The following ZBTB25 variants were observed in gnomAD, a reference collection of about 807,000 sequenced individuals.
The protein encoded by ZBTB25 is zinc finger and BTB domain containing 25.
A neutral mutation model predicts 34.2 loss-of-function variants in ZBTB25; 20 were observed. The ratio of observed to expected loss-of-function variants is 0.58; its 90% CI spans 0.41 to 0.85. The LOEUF (loss-of-function observed/expected upper bound fraction) is 0.85. Ranked by LOEUF, ZBTB25 falls within the 40% of genes least tolerant of loss-of-function variation. The probability of loss-of-function intolerance (pLI) is 0.00; values close to 1 mark genes in which losing one functional copy is unlikely to be tolerated. For synonymous variants in ZBTB25, 175 were observed against 186.4 expected, an observed-to-expected ratio of 0.94 and a Z score of 0.50; for missense variants, 437 against 521.8, an observed-to-expected ratio of 0.84 and a Z score of 1.58.
At chr14:64,457,503 T>G (rs978798557) in intron 2 of ZBTB25, among the ~76,000 whole-genome samples, 3 of 151,674 alleles carry the variant, frequency 2.0e-5, no homozygotes, top group Non-Finnish European at 4.4e-5. Flanking sequence ...TCACCCAGGC[T>G]GGAGTGCAGT....
intron 2 of ZBTB25, among the ~76,000 whole-genome samples, chr14:64,489,313 T>G (rs1048591166): frequency 1.3e-5 from 2 of 152,052 alleles, no homozygotes; most frequent in African/African-American, 2.4e-5. Flanking sequence ...AAGTGTTATA[T>G]GAAACAAAAA....
At chr14:64,493,378 C>G (rs971071392) in intron 1 of ZBTB25, among the ~76,000 whole-genome samples, 1 of 152,160 alleles carries the variant, frequency 6.6e-6, no homozygotes, top group African/African-American at 2.4e-5. Flanking sequence ...TGGACAATGA[C>G]AGTATCTAAC....
chr14:64,502,160 G>T (rs1327182133), intron 1 of ZBTB25, among the ~76,000 whole-genome samples: 1 of 152,198 alleles, frequency 6.6e-6, no homozygotes, highest in Non-Finnish European at 1.5e-5. Context: ...TTGGCCCACT[G>T]CAAGTACTCA....
At position 64,503,708 on chromosome 14, in the gene ZBTB25, G is replaced by A; in HGVS notation, c.-55C>T. On this transcript the variant is annotated 5_prime_UTR_variant, in exon 1 of 3. Coordinates refer to ENST00000608382, the MANE Select transcript of ZBTB25 (RefSeq NM_006977.5). ...GCCGACTCCTCCGTGCAGGAGGGGC[G>A]GGCTCCCAAGCCGCGCACTGCAAGC... is the stretch of plus-strand genomic sequence containing the variant. 1 of 707,614 alleles carries A rather than the reference G, an allele frequency of 1.4e-6. No individual in the cohort carries two copies. Among genetic ancestry groups the A allele is most frequent in the Non-Finnish European group, 1.7e-6 (1 of 576,110 alleles). The allele number at this position is 707,614 out of a possible 1,614,324, so 43.8% of individuals were successfully genotyped here.
intron 2 of ZBTB25, chr14:64,469,213 TCAA>T (rs1451209977): frequency 6.2e-7 from 1 of 1,614,040 alleles, no homozygotes; most frequent in South Asian, 1.1e-5. Flanking sequence ...CAATTCCAGA[TCAA>T]CAAATTGTGG....
chr14:64,465,439 G>A (rs2078601438), intron 2 of ZBTB25: 1 of 151,796 alleles, frequency 6.6e-6, no homozygotes, highest in South Asian at 2.1e-4. Context: ...CGCTCGCATT[G>A]GCGCTGCCTG....
chr14:64,493,395 G>A (rs1364383675), intron 1 of ZBTB25, among the ~76,000 whole-genome samples: 1 of 152,110 alleles, frequency 6.6e-6, no homozygotes. Flanking sequence ...TAACTTATAG[G>A]TTATTTGAAT....
At chr14:64,474,716 A>C (rs1720848164), downstream of ZBTB25, among the ~76,000 whole-genome samples, 1 of 152,248 alleles carries the variant, frequency 6.6e-6, no homozygotes, top group Admixed American at 6.5e-5. Flanking sequence ...TTCAGCCAAA[A>C]GGGCAGTTCT....
intron 2 of ZBTB25, among the ~76,000 whole-genome samples, chr14:64,489,471 A>G (rs118147708): frequency 0.022 from 3,359 of 152,102 alleles, 41 homozygotes; most frequent in Middle Eastern, 0.054. Flanking sequence ...AATTTACATT[A>G]TAGGGCAAAT....
chr14:64,501,211 T>A (rs1455304763), intron 1 of ZBTB25, among the ~76,000 whole-genome samples: 1 of 152,206 alleles, frequency 6.6e-6, no homozygotes, highest in East Asian at 1.9e-4. Context: ...ATTCTGGTTA[T>A]TTTCAAAACC....
At chr14:64,450,808 A>G (rs1450476276) in intron 2 of ZBTB25, among the ~76,000 whole-genome samples, 2 of 151,822 alleles carry the variant, frequency 1.3e-5, no homozygotes, top group Non-Finnish European at 2.9e-5. Context: ...CCTGGACCCA[A>G]GTGGTCCTCC....
chr14:64,498,258 C>T (rs963238926), intron 1 of ZBTB25, among the ~76,000 whole-genome samples: 1 of 152,002 alleles, frequency 6.6e-6, no homozygotes, highest in African/African-American at 2.4e-5. Flanking sequence ...GAGTCCCAAC[C>T]CAGGCTTAGC....
At chr14:64,469,113 A>G (rs757819244) in intron 2 of ZBTB25, 5 of 1,614,124 alleles carry the variant, frequency 3.1e-6, no homozygotes, top group Non-Finnish European at 4.2e-6. Flanking sequence ...AAGGAAAAAC[A>G]AGATGTTCAA....
At chr14:64,449,584 C>T (rs1426405999) in exon 3 of ZBTB25, 6 of 1,614,068 alleles carry the variant, frequency 3.7e-6, no homozygotes, top group Non-Finnish European at 5.1e-6. Flanking sequence ...GAGAGCAGCA[C>T]AAGCACCCAG....
chr14:64,456,775 T>G (rs967304159), intron 2 of ZBTB25, among the ~76,000 whole-genome samples: 1 of 152,208 alleles, frequency 6.6e-6, no homozygotes. Flanking sequence ...TGGGGAATAT[T>G]GATTGGTACT....
chr14:64,487,018 T>C lies in ZBTB25; in HGVS notation c.1213A>G (p.Lys405Glu). 4 of 1,614,218 alleles carry C rather than the reference T, an allele frequency of 2.5e-6. No homozygotes were observed. The highest frequency in any genetic ancestry group is 4.5e-5 in the East Asian group (2 of 44,882). ...YCDSWSDVSL[K>E]SSRLSQEHLD... ...TGTTCTTGTGACAAGCGAGAACTTT[T>C]CAGGGAGACATCAGACCAGCTGTCA... Residue 405 changes from lysine to glutamate, a missense_variant, in exon 3 of 3, where the codon AAA (lysine) becomes GAA (glutamate). By Grantham distance (56) the Lys-to-Glu change is moderately conservative (BLOSUM62 1). Transcript: ENST00000608382.
chr14:64,459,219 G>T (rs2078523830), intron 2 of ZBTB25, among the ~76,000 whole-genome samples: 2 of 152,188 alleles, frequency 1.3e-5, no homozygotes, highest in Admixed American at 1.3e-4. Flanking sequence ...TTAGCAAAAT[G>T]AGGAATTAAC....
rs2078789728 is a variant in ZBTB25, at chr14:64,481,302, A to G, written c.*5621T>C. 6.6e-6 allele frequency: 1 copy of G among 152,298 alleles called. No homozygotes were observed. Among genetic ancestry groups the G allele is most frequent in the Admixed American group, 6.5e-5 (1 of 15,284 alleles). 9.4% of individuals were successfully genotyped at this position (152,298 alleles called of 1,614,324 possible). ...TCGGACTCCTGGGCCTTGGCCTCCC[A>G]AAGTGCTGGGATTACAGGCATGAGG... On this transcript the variant is annotated 3_prime_UTR_variant, in exon 3 of 3. Transcript: ENST00000608382.
chr14:64,494,746 C>G lies in ZBTB25; in HGVS notation c.-7-4206G>C, dbSNP rs142484469. The stretch of plus-strand genomic sequence containing the variant: ...CAGAAGACCCAAACATACCTCTTCC[C>G]TTTACATATGAAAGAAACCTGGAGT... On this transcript the variant is annotated intron_variant, in intron 1 of 2. Coordinates refer to ENST00000608382, the MANE Select transcript of ZBTB25 (RefSeq NM_006977.5). Among the ~76,000 whole-genome samples the G allele has an allele frequency of 1.4e-4, 21 of 152,324 alleles. No individual in the cohort carries two copies. In the East Asian group the frequency reaches 4.1e-3, roughly 29 times the overall value.
Sources: allele counts gnomAD v4.1 joint callset (sites outside exome capture counted in the v4.1 genomes callset), GRCh38; gene constraint gnomAD v4.1.1; transcripts MANE v1.5; gene names NCBI Gene and HGNC (gene_info 2026-07-23, HGNC 2026-07-21).